The following COL18A1 variants were observed in gnomAD, a reference collection of about 807,000 sequenced individuals.
COL18A1 encodes collagen type XVIII alpha 1 chain.
In COL18A1, 133 loss-of-function variants were observed where a neutral mutation model predicts 168.0. The ratio of observed to expected loss-of-function variants is 0.79; its 90% CI spans 0.69 to 0.91. The LOEUF (loss-of-function observed/expected upper bound fraction) is 0.91. Among genes scored for constraint, COL18A1 ranks in the 40% least tolerant of loss-of-function variants. COL18A1 has a pLI of 0.00. For missense variants in COL18A1, 2,126 were observed against 1,925.4 expected, an observed-to-expected ratio of 1.10 and a Z score of -1.95; for synonymous variants, 949 against 809.0, an observed-to-expected ratio of 1.17 and a Z score of -2.94.
At chr21:45,428,525 G>A (rs756248726) in intron 2 of COL18A1, among the ~76,000 whole-genome samples, 14 of 152,200 alleles carry the variant, frequency 9.2e-5, no homozygotes, top group Non-Finnish European at 1.6e-4. Context: ...CGAACAATTC[G>A]GTGACATTTA....
At chr21:45,433,411 CGTCTGT>C (rs2034017663) in intron 2 of COL18A1, among the ~76,000 whole-genome samples, 1 of 152,184 alleles carries the variant, frequency 6.6e-6, no homozygotes, top group Non-Finnish European at 1.5e-5. Context: ...TCTTTGTGTG[CGTCTGT>C]GCCTGTGCCT....
At chr21:45,449,190 G>T (rs745388297) in intron 2 of COL18A1, among the ~76,000 whole-genome samples, 25 of 152,226 alleles carry the variant, frequency 1.6e-4, no homozygotes, top group Non-Finnish European at 3.2e-4. Context: ...CCAAGGGTGG[G>T]CCCTGGGGCT....
At chr21:45,495,255 G>GGGCC in intron 28 of COL18A1, 103 bp from the exon 29 acceptor site, 1 of 948,934 alleles carries the variant, frequency 1.1e-6, no homozygotes, top group Non-Finnish European at 1.7e-6. Flanking sequence ...GGCTGAGCGT[G>GGGCC]GGCCGGCCGG....
rs529896759 is a variant in COL18A1, at chr21:45,512,434, C to T, written c.*36C>T. ...GATGCGGATGGCCGGAGAGGACCGG[C>T]GGCTCGGAGGAAGCCCCCACCGTGG... is the stretch of plus-strand genomic sequence containing the variant. On this transcript the variant is annotated 3_prime_UTR_variant, in exon 42 of 42. Transcript: ENST00000651438. 2.4e-5 allele frequency: 39 copies of T among 1,593,152 alleles called. No individual in the cohort carries two copies. Among genetic ancestry groups the T allele is most frequent in the Middle Eastern group, 1.8e-4 (1 of 5,692 alleles).
At chr21:45,449,289 G>C (rs1052767051) in intron 2 of COL18A1, among the ~76,000 whole-genome samples, 1 of 152,192 alleles carries the variant, frequency 6.6e-6, no homozygotes, top group African/African-American at 2.4e-5. Context: ...GAAGAGGCAG[G>C]CTGCCCGCTG....
intron 2 of COL18A1, among the ~76,000 whole-genome samples, chr21:45,447,688 C>G (rs75605306): frequency 0.02 from 2,979 of 152,244 alleles, 98 homozygotes; most frequent in African/African-American, 0.067. Flanking sequence ...CAAAGCAATC[C>G]TGGAGAAGAA....
intron 11 of COL18A1, 145 bp downstream of exon 11, chr21:45,480,301 C>A: frequency 7.6e-7 from 1 of 1,312,126 alleles, no homozygotes; most frequent in Non-Finnish European, 1.1e-6. Flanking sequence ...GTGGTGGGAG[C>A]CCCCATCCAC....
intron 2 of COL18A1, among the ~76,000 whole-genome samples, chr21:45,451,533 C>T (rs572905903): frequency 4.6e-5 from 7 of 152,340 alleles, no homozygotes; most frequent in Non-Finnish European, 8.8e-5. Context: ...CCCAGCTCCT[C>T]GCTGGCCTTC....
At chr21:45,491,500 A>C (rs2036350371) in intron 22 of COL18A1, among the ~76,000 whole-genome samples, 186 bp downstream of exon 22, 1 of 55,654 alleles carries the variant, frequency 1.8e-5, no homozygotes, top group Non-Finnish European at 4.0e-5. Flanking sequence ...TGGGGAGCCC[A>C]GCTCCATGTG....
At chr21:45,413,593 G>A (rs1440746443) in intron 2 of COL18A1, among the ~76,000 whole-genome samples, 2 of 152,226 alleles carry the variant, frequency 1.3e-5, no homozygotes, top group Non-Finnish European at 2.9e-5. Context: ...TGCTGCCTCT[G>A]AGGAGGAGTT....
chr21:45,504,061 G>T lies in COL18A1; in HGVS notation c.2727+7G>T, dbSNP rs746481466. ...GTTGGAGGCTGAAATGAAGGTGGGT[G>T]ACCTCCCTGTGGGGTTGGGGGCCCC... On this transcript the variant is annotated splice_region_variant and intron_variant, in intron 33 of 41. Transcript: ENST00000651438. 7 of 1,613,460 alleles carry T rather than the reference G, an allele frequency of 4.3e-6. No homozygotes were observed. In the African/African-American group the frequency reaches 9.3e-5, roughly 22 times the overall value.
chr21:45,421,481 C>T, intron 2 of COL18A1: 1 of 534,562 alleles, frequency 1.9e-6, no homozygotes, highest in Non-Finnish European at 3.8e-6. Context: ...GAGCAGGACA[C>T]CGCGTTTCTG....
chr21:45,428,630 G>T (rs150820186), intron 2 of COL18A1, among the ~76,000 whole-genome samples: 1 of 152,152 alleles, frequency 6.6e-6, no homozygotes, highest in Admixed American at 6.5e-5. Flanking sequence ...CGCAGCCACC[G>T]CCCGGCCCCA....
chr21:45,504,470 G>A lies in COL18A1; in HGVS notation c.2782G>A (p.Gly928Arg), dbSNP rs187721798. Residue 928 changes from glycine (G) to arginine (R), a missense_variant, in exon 34 of 42, where the codon GGG (glycine) becomes AGG (arginine). Coordinates refer to ENST00000651438, the MANE Select transcript of COL18A1 (RefSeq NM_001379500.1). ...ACAGAAAGGCGAAAGGGGGGAGCCC[G>A]GGGGCGGCGGTTTCTTCGGCTCCAG... The part of the protein sequence containing the change: ...AGQKGERGEP[G>R]GGGFFGSSLP... 1.4e-3 allele frequency: 2,318 copies of A among 1,607,030 alleles called. 29 individuals are homozygous for A. The African/African-American group carries it at 0.027, about 19-fold the overall frequency.
At chr21:45,405,506 C>G in intron 2 of COL18A1, 33 bp downstream of exon 2, 1 of 1,257,534 alleles carries the variant, frequency 8.0e-7, no homozygotes, top group South Asian at 2.1e-5. Flanking sequence ...AGGTTCGCGC[C>G]GGTGCCCGCC....
intron 25 of COL18A1, 133 bp from the exon 26 acceptor site, chr21:45,493,368 T>C: frequency 7.8e-7 from 1 of 1,278,530 alleles, no homozygotes; most frequent in Non-Finnish European, 1.1e-6. Context: ...GCTCGGGCCG[T>C]CCCTGTGGTC....
At chr21:45,511,651 C>T (rs545191565) in intron 41 of COL18A1, among the ~76,000 whole-genome samples, 2 of 152,242 alleles carry the variant, frequency 1.3e-5, no homozygotes, top group Non-Finnish European at 2.9e-5. Context: ...CGCTTCGTCC[C>T]AAATGTCGCT....
intron 2 of COL18A1, among the ~76,000 whole-genome samples, chr21:45,450,581 CTATT>C (rs1474974937): frequency 1.1e-4 from 17 of 152,328 alleles, no homozygotes; most frequent in Middle Eastern, 6.8e-3. Flanking sequence ...AAAGACCACA[CTATT>C]TAGGAATTTA....
chr21:45,476,041 C>T (rs958059878), intron 5 of COL18A1, among the ~76,000 whole-genome samples: 5 of 152,308 alleles, frequency 3.3e-5, no homozygotes, highest in African/African-American at 1.2e-4. Context: ...GGTGCGGGAA[C>T]GTGTTCCCTG....
Sources: gnomAD v4.1 joint callset for allele counts (sites outside exome capture counted in the v4.1 genomes callset) on GRCh38, gnomAD v4.1.1 for gene constraint, MANE v1.5 for transcripts, NCBI Gene and HGNC (gene_info 2026-07-23, HGNC 2026-07-21) for gene names.